C2orf42: variants seen among roughly 807,000 people sequenced by gnomAD.
The protein encoded by C2orf42 is uncharacterized protein C2orf42.
Under a neutral mutation model 58.9 loss-of-function variants are expected in C2orf42, and 44 were observed. The ratio of observed to expected loss-of-function variants is 0.75; its 90% CI spans 0.59 to 0.96. The LOEUF is 0.96. Among genes scored for constraint, C2orf42 ranks in the 40% least tolerant of loss-of-function variants. The pLI is 0.00. For missense variants in C2orf42, 630 were observed against 699.2 expected (o/e 0.90, Z 1.12); for synonymous variants, 239 against 265.4 (o/e 0.90, Z 0.97).
At chr2:70,164,869 A>C (rs1011269518) in intron 8 of C2orf42, among the ~76,000 whole-genome samples, 8 of 152,200 alleles carry the variant, frequency 5.3e-5, no homozygotes, top group African/African-American at 1.9e-4. Flanking sequence ...AAGGCAAAGG[A>C]AAAGTATATT....
intron 9 of C2orf42, among the ~76,000 whole-genome samples, chr2:70,154,414 T>TAAAAA (rs36028499): frequency 3.1e-4 from 8 of 25,604 alleles, no homozygotes; most frequent in Admixed American, 5.1e-4. Flanking sequence ...AAATTTTTAC[T>TAAAAA]AAAAAAAAAA....
intron 1 of C2orf42, among the ~76,000 whole-genome samples, chr2:70,188,085 A>G (rs1675073652): frequency 6.6e-6 from 1 of 152,182 alleles, no homozygotes; most frequent in Admixed American, 6.6e-5. Context: ...TCACATAACT[A>G]TGGGGCATTT....
Position 70,164,178 on chromosome 2 carries a change from C to T in C2orf42, c.1353+914G>A, listed in dbSNP as rs538356092. Among the ~76,000 whole-genome samples the T allele has an allele frequency of 2.0e-5, 3 of 151,850 alleles. No homozygotes were observed. The East Asian group carries it at 5.8e-4, about 30-fold the overall frequency. ...ATTAGCTGGGCATGGTGGCATATGCCTGTAGTCCAAGCTACTCAGGAGGCT... is the reference window on the plus strand; with the variant it reads ...ATTAGCTGGGCATGGTGGCATATGCTTGTAGTCCAAGCTACTCAGGAGGCT... On this transcript the variant is annotated intron_variant, in intron 8 of 9. Transcript: ENST00000264434.
intron 1 of C2orf42, among the ~76,000 whole-genome samples, chr2:70,187,576 C>T (rs1171680275): frequency 6.6e-6 from 1 of 152,052 alleles, no homozygotes; most frequent in Admixed American, 6.6e-5. Context: ...TTGATTATGC[C>T]CTCCAGCAGG....
At chr2:70,161,319 G>A (rs1458203002) in intron 8 of C2orf42, among the ~76,000 whole-genome samples, 2 of 152,130 alleles carry the variant, frequency 1.3e-5, no homozygotes, top group Non-Finnish European at 2.9e-5. Context: ...ATGGCTGGGA[G>A]GTCAAATGAG....
chr2:70,189,275 G>T (rs749843840), intron 1 of C2orf42, among the ~76,000 whole-genome samples: 1 of 151,358 alleles, frequency 6.6e-6, no homozygotes, highest in African/African-American at 2.4e-5. Flanking sequence ...GCGTGGTGAC[G>T]TATGCCTGTA....
intron 9 of C2orf42, among the ~76,000 whole-genome samples, chr2:70,155,435 A>G (rs546528124): frequency 4.6e-5 from 7 of 152,254 alleles, no homozygotes; most frequent in Admixed American, 1.3e-4. Flanking sequence ...TGCTGGGATT[A>G]TAGGTGTGAG....
At position 70,181,457 on chromosome 2, in the gene C2orf42, TG is replaced by T. The variant is rs1226515669; in HGVS notation, c.528del (p.Thr177GlnfsTer15). The T allele has an allele frequency of 6.2e-7, 1 of 1,613,890 alleles. No individual in the cohort carries two copies. The highest frequency in any genetic ancestry group is 1.3e-5 in the African/African-American group (1 of 74,922). On this transcript the variant is annotated frameshift_variant, in exon 3 of 10. Transcript: ENST00000264434. LOFTEE classifies it high-confidence loss of function. ...KQTIWQLATE[P>X]TGPLVQRITK... is the part of the protein sequence containing the mutation. ...GTAATTCTCTGCACCAGAGGACCTG[TG>T]GGTTCCGTGGCCAACTGCCAGATGG...
chr2:70,178,061 A>C (rs1218464833), intron 4 of C2orf42, among the ~76,000 whole-genome samples: 1 of 152,180 alleles, frequency 6.6e-6, no homozygotes, highest in Non-Finnish European at 1.5e-5. Context: ...ACAAACAAAC[A>C]AACAAAAAAA....
At chr2:70,167,009 C>T (rs1286572834) in intron 6 of C2orf42, among the ~76,000 whole-genome samples, 1 of 152,160 alleles carries the variant, frequency 6.6e-6, no homozygotes, top group Admixed American at 6.6e-5. Context: ...CTGTCTTTCT[C>T]TCTGAATATG....
chr2:70,184,813 G>A (rs956750344), intron 1 of C2orf42, among the ~76,000 whole-genome samples: 7 of 151,840 alleles, frequency 4.6e-5, no homozygotes, highest in Non-Finnish European at 5.9e-5. Context: ...GTTTTAGGCC[G>A]GGCGCAGTGG....
chr2:70,162,844 A>T (rs1027761522), intron 8 of C2orf42, among the ~76,000 whole-genome samples: 1 of 151,980 alleles, frequency 6.6e-6, no homozygotes, highest in Non-Finnish European at 1.5e-5. Flanking sequence ...AGCTACTCTT[A>T]ATGTATCAAA....
At chr2:70,151,939 G>A (rs1672341108) in intron 9 of C2orf42, among the ~76,000 whole-genome samples, 1 of 151,954 alleles carries the variant, frequency 6.6e-6, no homozygotes, top group South Asian at 2.1e-4. Context: ...ACCATGTCCA[G>A]CTAATTTTTG....
At chr2:70,153,877 G>T (rs1372778515) in intron 9 of C2orf42, among the ~76,000 whole-genome samples, 6 of 150,742 alleles carry the variant, frequency 4.0e-5, no homozygotes, top group African/African-American at 1.2e-4. Flanking sequence ...GGCCAATGTG[G>T]TGAAACCCCG....
At position 70,181,637 on chromosome 2, in the gene C2orf42, C is replaced by T; in HGVS notation, c.349G>A (p.Val117Ile). 6.2e-7 allele frequency: 1 copy of T among 1,614,148 alleles called. No homozygotes were observed. ...GTGGCAGCTTTCAGGCATGAGGGGA[C>T]ATAACACCGTCCAGAGCTCAGCTGA... ...ITQLSSGRCY[V>I]PSCLKAATQG... The change falls in exon 3 of 10, where the codon GTC becomes ATC. Residue 117 changes from valine to isoleucine, a missense_variant. Coordinates refer to ENST00000264434, the MANE Select transcript of C2orf42 (RefSeq NM_017880.3).
intron 1 of C2orf42, among the ~76,000 whole-genome samples, chr2:70,185,609 G>A (rs1674874770): frequency 6.6e-6 from 1 of 151,740 alleles, no homozygotes; most frequent in African/African-American, 2.4e-5. Context: ...TACTCAGGAG[G>A]CTGAGGCATG....
chr2:70,183,495 T>C (rs755976233), intron 1 of C2orf42, among the ~76,000 whole-genome samples: 8 of 151,214 alleles, frequency 5.3e-5, no homozygotes, highest in Non-Finnish European at 1.2e-4. Flanking sequence ...AGTGGCGCAA[T>C]CTCGGCTCAC....
intron 8 of C2orf42, among the ~76,000 whole-genome samples, chr2:70,161,388 C>CCACATG (rs1215275468): frequency 6.6e-6 from 1 of 152,186 alleles, no homozygotes; most frequent in African/African-American, 2.4e-5. Flanking sequence ...GCTCTATTCT[C>CCACATG]CCACATGCCT....
rs535929381 is a variant in C2orf42, at chr2:70,187,300, G to A, written c.-282+3673C>T. On this transcript the variant is annotated intron_variant, in intron 1 of 9. Coordinates refer to ENST00000264434, the MANE Select transcript of C2orf42 (RefSeq NM_017880.3). ...AGTTTCGCTCTTGTTGCCCAGGCTGGAGTGCAATGACGCAATCTCAGCTCA... is the reference window on the plus strand; with the variant it reads ...AGTTTCGCTCTTGTTGCCCAGGCTGAAGTGCAATGACGCAATCTCAGCTCA... 7.9e-5 allele frequency among the ~76,000 whole-genome samples: 12 copies of A among 152,260 alleles called. No individual in the cohort carries two copies. In the East Asian group the frequency reaches 1.5e-3, roughly 20 times the overall value.
Sources: gnomAD v4.1 joint callset for allele counts (sites outside exome capture counted in the v4.1 genomes callset) on GRCh38, gnomAD v4.1.1 for gene constraint, MANE v1.5 for transcripts, NCBI Gene and HGNC (gene_info 2026-07-23, HGNC 2026-07-21) for gene names.